PRKN: variants seen among roughly 807,000 people sequenced by gnomAD.
PRKN encodes the protein parkin RBR E3 ubiquitin protein ligase.
PRKN carries 56 observed loss-of-function variants against 59.5 expected under a neutral mutation model. That is an observed-to-expected ratio of 0.94 (90% CI 0.76 to 1.18). The LOEUF (loss-of-function observed/expected upper bound fraction) is 1.18, where lower values mean the gene tolerates loss of function less well. PRKN is among the 50% of genes most tolerant of loss of function. The pLI is 0.00. For synonymous variants in PRKN, 250 were observed against 222.1 expected (o/e 1.13, Z -1.12); for missense variants, 657 against 596.4 (o/e 1.10, Z -1.06).
In PRKN at chr6:161,524,012, A is replaced by G. The variant is rs559793343; in HGVS notation, c.1083+24842T>C. Among the ~76,000 whole-genome samples the G allele has an allele frequency of 9.8e-5, 15 of 152,300 alleles. No individual in the cohort carries two copies. The East Asian group carries it at 1.4e-3, about 14-fold the overall frequency. ...CACAATTCAATCCATGAATTAAAAA[A>G]ATTTTTTTTCCTATCCAGATAGTTC... On this transcript the variant is annotated intron_variant, in intron 9 of 11. Transcript: ENST00000366898.
chr6:162,338,871 C>T (rs1182911741), intron 2 of PRKN, among the ~76,000 whole-genome samples: 13 of 149,748 alleles, frequency 8.7e-5, no homozygotes, highest in African/African-American at 2.5e-4. Flanking sequence ...GGCCGCCCAT[C>T]GTCTGAGATG....
chr6:162,185,721 A>G (rs1165132792), intron 4 of PRKN, among the ~76,000 whole-genome samples: 3 of 152,170 alleles, frequency 2.0e-5, no homozygotes, highest in Non-Finnish European at 4.4e-5. Flanking sequence ...ATAACATGAC[A>G]TTTACCAAAG....
chr6:162,198,738 T>G (rs1440016989), intron 4 of PRKN, among the ~76,000 whole-genome samples: 1 of 151,568 alleles, frequency 6.6e-6, no homozygotes, highest in Non-Finnish European at 1.5e-5. Flanking sequence ...CTGCTCTGCA[T>G]CAAGAGGCTG....
chr6:162,225,393 G>C (rs147833516), intron 3 of PRKN, among the ~76,000 whole-genome samples: 2 of 152,280 alleles, frequency 1.3e-5, no homozygotes, highest in Non-Finnish European at 2.9e-5. Flanking sequence ...TCAAACCATA[G>C]CACCTGTTGA....
intron 9 of PRKN, among the ~76,000 whole-genome samples, chr6:161,472,810 C>T (rs1360943177): frequency 1.3e-5 from 2 of 152,050 alleles, no homozygotes; most frequent in South Asian, 2.1e-4. Flanking sequence ...TAGCAAAAAA[C>T]CCCAAATAAC....
intron 1 of PRKN, among the ~76,000 whole-genome samples, chr6:162,631,055 C>G (rs942979589): frequency 2.6e-5 from 4 of 152,086 alleles, no homozygotes. Context: ...AAGCTTCACT[C>G]AAATACAACA....
intron 1 of PRKN, among the ~76,000 whole-genome samples, chr6:162,604,969 T>C (rs1325699238): frequency 2.6e-5 from 4 of 152,146 alleles, no homozygotes; most frequent in African/African-American, 7.2e-5. Flanking sequence ...TAAGTCATTT[T>C]CCACATAGAT....
chr6:162,016,669 T>C (rs1182694403), intron 5 of PRKN, among the ~76,000 whole-genome samples: 1 of 152,088 alleles, frequency 6.6e-6, no homozygotes, highest in African/African-American at 2.4e-5. Flanking sequence ...CACTCAATAG[T>C]AACAACCCTG....
At chr6:162,029,782 C>T (rs955795213) in intron 5 of PRKN, among the ~76,000 whole-genome samples, 11 of 152,182 alleles carry the variant, frequency 7.2e-5, no homozygotes, top group Non-Finnish European at 1.6e-4. Context: ...TCCTAGTATA[C>T]ACCATAATAT....
At chr6:162,116,855 A>C (rs953330471) in intron 4 of PRKN, among the ~76,000 whole-genome samples, 2 of 152,210 alleles carry the variant, frequency 1.3e-5, no homozygotes, top group African/African-American at 4.8e-5. Flanking sequence ...TTGGAAAGGA[A>C]TACTTTGCAC....
intron 2 of PRKN, among the ~76,000 whole-genome samples, chr6:162,364,131 G>A (rs555235056): frequency 6.6e-6 from 1 of 152,188 alleles, no homozygotes; most frequent in East Asian, 1.9e-4. Flanking sequence ...TTTGTAAGAG[G>A]GGTAAAATCA....
Position 162,374,547 on chromosome 6 carries a change from GTTTA to G in PRKN, c.171+68759_171+68762del, listed in dbSNP as rs1194809971. On this transcript the variant is annotated intron_variant, in intron 2 of 11. Coordinates refer to ENST00000366898, the MANE Select transcript of PRKN (RefSeq NM_004562.3). The stretch of plus-strand genomic sequence containing the variant: ...GTTTTATTTATTTATTTGTTTGTTT[GTTTA>G]TTTATTTATTTATTCATTTATTGGA... Among the ~76,000 whole-genome samples, 1,093 of 150,426 alleles carry G rather than the reference GTTTA, an allele frequency of 7.3e-3. 22 individuals carry two copies. The highest frequency in any genetic ancestry group is 0.026 in the African/African-American group (1,025 of 40,128).
chr6:162,000,693 G>A (rs976238459), intron 5 of PRKN, among the ~76,000 whole-genome samples: 1 of 151,874 alleles, frequency 6.6e-6, no homozygotes, highest in Non-Finnish European at 1.5e-5. Flanking sequence ...CATGGATTAT[G>A]CACTTGGTAT....
chr6:161,408,643 C>T (rs1029559774), intron 9 of PRKN, among the ~76,000 whole-genome samples: 19 of 152,010 alleles, frequency 1.2e-4, no homozygotes, highest in African/African-American at 3.9e-4. Context: ...CGGGAGTGGA[C>T]ATGTGTGGAA....
intron 2 of PRKN, among the ~76,000 whole-genome samples, chr6:162,424,391 G>A (rs1789120783): frequency 6.6e-6 from 1 of 152,118 alleles, no homozygotes; most frequent in South Asian, 2.1e-4. Flanking sequence ...TAATGTAGAG[G>A]ACTGGCTCTG....
intron 1 of PRKN, among the ~76,000 whole-genome samples, chr6:162,448,250 T>C (rs917937567): frequency 1.3e-5 from 2 of 152,100 alleles, no homozygotes; most frequent in Non-Finnish European, 2.9e-5. Context: ...CTGGGAAGTT[T>C]CTTCTGCACC....
chr6:161,691,958 C>G (rs1319387724), intron 7 of PRKN, among the ~76,000 whole-genome samples: 1 of 151,336 alleles, frequency 6.6e-6, no homozygotes, highest in Non-Finnish European at 1.5e-5. Context: ...TCATCACACA[C>G]TTTGAATACA....
intron 9 of PRKN, among the ~76,000 whole-genome samples, chr6:161,540,914 A>T (rs1257851665): frequency 6.6e-6 from 1 of 152,214 alleles, no homozygotes; most frequent in East Asian, 1.9e-4. Flanking sequence ...TCCTGGCAGC[A>T]TCTGTTGGAA....
rs1287430928 is a variant in PRKN at position 162,163,004 on chromosome 6, T to C, written c.534+38127A>G. Among the ~76,000 whole-genome samples the C allele has an allele frequency of 2.0e-5, 3 of 148,390 alleles. 1 individual carries two copies. Among genetic ancestry groups the C allele is most frequent in the Non-Finnish European group, 4.5e-5 (3 of 67,392 alleles). ...GCCTGGGCGACAGAGCGAGATTCTG[T>C]CTCAAAAAAATAAATAAATAAAAAG... On this transcript the variant is annotated intron_variant, in intron 4 of 11. Coordinates refer to ENST00000366898, the MANE Select transcript of PRKN (RefSeq NM_004562.3).
Sources: allele counts gnomAD v4.1 joint callset (sites outside exome capture counted in the v4.1 genomes callset), GRCh38; gene constraint gnomAD v4.1.1; transcripts MANE v1.5; gene names NCBI Gene and HGNC (gene_info 2026-07-23, HGNC 2026-07-21).